THSD7A: variants seen among roughly 807,000 people sequenced by gnomAD.
The protein encoded by THSD7A is thrombospondin type-1 domain-containing protein 7A.
In THSD7A, 96 loss-of-function variants were observed where a neutral mutation model predicts 231.3. The ratio of observed to expected loss-of-function variants is 0.41; its 90% CI spans 0.35 to 0.49. The LOEUF is 0.49. Among genes scored for constraint, THSD7A ranks in the 20% least tolerant of loss-of-function variants. THSD7A has a pLI of 0.05. For missense variants in THSD7A, 2,290 were observed against 2,070.2 expected (o/e 1.11, Z -2.06); for synonymous variants, 940 against 743.3 (o/e 1.26, Z -4.30).
At chr7:11,708,872 A>C (rs1488450654) in intron 1 of THSD7A, among the ~76,000 whole-genome samples, 2 of 150,818 alleles carry the variant, frequency 1.3e-5, no homozygotes, top group East Asian at 3.9e-4. Flanking sequence ...TGTGACTACC[A>C]AATGTTTAGA....
chr7:11,541,293 C>A, intron 6 of THSD7A, 126 bp downstream of exon 6: 1 of 879,510 alleles, frequency 1.1e-6, no homozygotes, highest in South Asian at 1.5e-5. Flanking sequence ...GAGAGAGAAG[C>A]AGCTATTTCT....
intron 24 of THSD7A, among the ~76,000 whole-genome samples, chr7:11,381,447 C>T (rs189967644): frequency 1.3e-5 from 2 of 152,124 alleles, no homozygotes; most frequent in East Asian, 1.9e-4. Context: ...ATTTAAAATT[C>T]AATATAAAGA....
At chr7:11,677,239 G>C (rs1475730416) in intron 1 of THSD7A, among the ~76,000 whole-genome samples, 3 of 151,952 alleles carry the variant, frequency 2.0e-5, no homozygotes, top group African/African-American at 7.3e-5. Context: ...TCATGACCAG[G>C]CCTGCCTTAC....
At chr7:11,602,472 A>T (rs1584062325) in intron 2 of THSD7A, among the ~76,000 whole-genome samples, 1 of 152,140 alleles carries the variant, frequency 6.6e-6, no homozygotes, top group Non-Finnish European at 1.5e-5. Flanking sequence ...GAGGTACAGA[A>T]AGTTACATAA....
At position 11,510,512 on chromosome 7, in the gene THSD7A, GA is replaced by G. The variant is rs1390201688; in HGVS notation, c.1823-28531del. On this transcript the variant is annotated intron_variant, in intron 6 of 27. Transcript: ENST00000423059. ...ACCAATATCACTGAGGAACATCGAT[GA>G]AAAAATCCTCAATAAAATACTGGCA... Among the ~76,000 whole-genome samples, 3 of 152,192 alleles carry G rather than the reference GA, an allele frequency of 2.0e-5. No homozygotes were observed. In the East Asian group the frequency reaches 5.8e-4, roughly 29 times the overall value.
chr7:11,693,356 A>G (rs1489342571), intron 1 of THSD7A, among the ~76,000 whole-genome samples: 1 of 151,554 alleles, frequency 6.6e-6, no homozygotes, highest in African/African-American at 2.4e-5. Context: ...TTCACAGAAT[A>G]CATCTATTAG....
intron 6 of THSD7A, among the ~76,000 whole-genome samples, chr7:11,487,208 T>C (rs1033820129): frequency 6.6e-6 from 1 of 152,146 alleles, no homozygotes; most frequent in African/African-American, 2.4e-5. Flanking sequence ...CTATTCCTTT[T>C]TATTCGACTG....
chr7:11,503,178 C>T (rs1219148997), intron 6 of THSD7A, among the ~76,000 whole-genome samples: 1 of 152,152 alleles, frequency 6.6e-6, no homozygotes, highest in Non-Finnish European at 1.5e-5. Flanking sequence ...ACCATCTGAT[C>T]TTTGACAAGG....
intron 1 of THSD7A, among the ~76,000 whole-genome samples, chr7:11,672,210 A>T (rs1783422102): frequency 6.6e-6 from 1 of 152,136 alleles, no homozygotes; most frequent in African/African-American, 2.4e-5. Context: ...AGATATTCTA[A>T]CAGAGAAGCA....
rs116015062 is a variant in THSD7A, at chr7:11,671,758, T to C, written c.191-34797A>G. 7.7e-3 allele frequency among the ~76,000 whole-genome samples: 1,180 copies of C among 152,270 alleles called. 12 individuals are homozygous for C. Among genetic ancestry groups the C allele is most frequent in the African/African-American group, 0.027 (1,125 of 41,564 alleles). On this transcript the variant is annotated intron_variant, in intron 1 of 27. Coordinates refer to ENST00000423059, the MANE Select transcript of THSD7A (RefSeq NM_015204.3). ...TTCTAGGGCAATGAAACACAATATA[T>C]ACATTTCCTCTTACAAATGGAAACA... is the stretch of plus-strand genomic sequence containing the variant.
intron 1 of THSD7A, among the ~76,000 whole-genome samples, chr7:11,766,363 T>A (rs980112097): frequency 6.6e-6 from 1 of 152,294 alleles, no homozygotes; most frequent in South Asian, 2.1e-4. Flanking sequence ...TACATCTAAC[T>A]AGAATTTTGC....
intron 8 of THSD7A, among the ~76,000 whole-genome samples, chr7:11,473,246 T>A (rs562464598): frequency 4.9e-4 from 75 of 151,706 alleles, no homozygotes; most frequent in African/African-American, 1.8e-3. Context: ...GAGTTTTTCA[T>A]GCATCAGAGA....
intron 5 of THSD7A, among the ~76,000 whole-genome samples, chr7:11,541,856 G>A (rs752560754): frequency 6.6e-6 from 1 of 152,118 alleles, no homozygotes; most frequent in Non-Finnish European, 1.5e-5. Context: ...GAGAACCTTT[G>A]GTTTTAGCTT....
At chr7:11,782,980 C>T (rs1783680372) in intron 1 of THSD7A, among the ~76,000 whole-genome samples, 1 of 152,060 alleles carries the variant, frequency 6.6e-6, no homozygotes, top group South Asian at 2.1e-4. Context: ...AAGAAGCAGA[C>T]TCTGCTACAA....
chr7:11,678,495 T>TA (rs1783733488), intron 1 of THSD7A, among the ~76,000 whole-genome samples: 1 of 151,738 alleles, frequency 6.6e-6, no homozygotes, highest in Admixed American at 6.6e-5. Context: ...ATAGACCCAA[T>TA]AAAAAATGAT....
At chr7:11,469,497 C>T (rs1785847493) in intron 9 of THSD7A, among the ~76,000 whole-genome samples, 1 of 152,068 alleles carries the variant, frequency 6.6e-6, no homozygotes, top group African/African-American at 2.4e-5. Context: ...AATCTGGTCC[C>T]ATGTTATTTT....
chr7:11,678,777 G>A (rs1783748296), intron 1 of THSD7A, among the ~76,000 whole-genome samples: 1 of 152,136 alleles, frequency 6.6e-6, no homozygotes, highest in Non-Finnish European at 1.5e-5. Context: ...GTACAAAGAG[G>A]AGCTGGTACC....
chr7:11,376,038 T>C (rs779973996), intron 27 of THSD7A, among the ~76,000 whole-genome samples, 160 bp from the exon 28 acceptor site: 7 of 152,148 alleles, frequency 4.6e-5, no homozygotes, highest in Non-Finnish European at 1.0e-4. Flanking sequence ...TTTTCTGATC[T>C]TGAATTTCAG....
intron 2 of THSD7A, among the ~76,000 whole-genome samples, chr7:11,618,576 C>A (rs1034044219): frequency 3.3e-5 from 5 of 151,774 alleles, no homozygotes; most frequent in African/African-American, 1.2e-4. Flanking sequence ...CCGAGGCGGG[C>A]GGATCACGAG....
Sources: gnomAD v4.1 joint callset for allele counts (sites outside exome capture counted in the v4.1 genomes callset) on GRCh38, gnomAD v4.1.1 for gene constraint, MANE v1.5 for transcripts, NCBI Gene and HGNC (gene_info 2026-07-23, HGNC 2026-07-21) for gene names.